TKTL1: variants seen among roughly 807,000 people sequenced by gnomAD.
TKTL1 encodes the protein transketolase like 1.
In TKTL1, 1 loss-of-function variant was observed where a neutral mutation model predicts 39.3. The ratio of observed to expected loss-of-function variants is 0.03; its 90% CI spans 0.01 to 0.12. The LOEUF is 0.12. Ranked by LOEUF, TKTL1 falls within the 10% of genes least tolerant of loss-of-function variation. The pLI is 1.00. For missense variants in TKTL1, 575 were observed against 509.6 expected (o/e 1.13, Z -1.24); for synonymous variants, 262 against 193.8 (o/e 1.35, Z -2.92).
At chrX:154,325,447 T>G (rs782773653) in intron 10 of TKTL1, 25 bp downstream of exon 10, 1 of 1,144,302 alleles carries the variant, frequency 8.7e-7, no homozygotes, top group Non-Finnish European at 1.2e-6. Context: ...GCTCCTGCGT[T>G]ATTCAGTATC....
chrX:154,329,415 T>C, intron 12 of TKTL1, 101 bp from the exon 13 acceptor site: 2 of 880,716 alleles, frequency 2.3e-6, no homozygotes, highest in Non-Finnish European at 3.2e-6. Context: ...ATGAATCAGA[T>C]TTTCCCCTGG....
chrX:154,325,564 C>T (rs782394290), intron 10 of TKTL1, 142 bp downstream of exon 10: 3 of 504,222 alleles, frequency 5.9e-6, no homozygotes, highest in African/African-American at 2.3e-5. Context: ...GTGACCTTTA[C>T]CTGCTTTTCC....
chrX:154,316,589 A>G (rs1257170860), intron 7 of TKTL1, among the ~76,000 whole-genome samples: 2 of 110,358 alleles, frequency 1.8e-5, no homozygotes, highest in African/African-American at 6.6e-5. Flanking sequence ...TATAGAATAC[A>G]TATTTCTGGA....
intron 12 of TKTL1, among the ~76,000 whole-genome samples, chrX:154,328,198 A>G (rs1344202074): frequency 1.8e-5 from 2 of 111,358 alleles, no homozygotes; most frequent in East Asian, 5.6e-4. Context: ...TATTGCAGGC[A>G]AGCGAGGTGT....
At position 154,323,149 on chromosome X, in the gene TKTL1, G is replaced by T. The variant is rs782089960; in HGVS notation, c.1187-58G>T. 67 of 1,181,956 alleles carry T rather than the reference G, an allele frequency of 5.7e-5. No individual in the cohort carries two copies. The African/African-American group carries it at 8.4e-4, about 15-fold the overall frequency. ...GCTTCTTCAGAGCTAGAAGTGGGTG[G>T]AGGGCAGGTTCCTAATGGGGTTATG... On this transcript the variant is annotated intron_variant, in intron 8 of 12. Coordinates refer to ENST00000369915, the MANE Select transcript of TKTL1 (RefSeq NM_012253.4).
intron 1 of TKTL1, among the ~76,000 whole-genome samples, chrX:154,302,827 C>T (rs1480391124): frequency 3.6e-5 from 4 of 111,232 alleles, no homozygotes; most frequent in Non-Finnish European, 5.7e-5. Context: ...ACACAGACAC[C>T]GTGGAGAAAC....
At chrX:154,301,018 C>T (rs1429582253) in intron 1 of TKTL1, among the ~76,000 whole-genome samples, 1 of 110,058 alleles carries the variant, frequency 9.1e-6, no homozygotes, top group Non-Finnish European at 1.9e-5. Context: ...GCTGTATGAT[C>T]GTATCATCAG....
At chrX:154,311,066 T>C in intron 4 of TKTL1, 39 bp downstream of exon 4, 2 of 1,211,097 alleles carry the variant, frequency 1.7e-6, no homozygotes, top group Non-Finnish European at 2.2e-6. Flanking sequence ...CATTCTGTCC[T>C]GCCCCCTTCA....
Position 154,315,155 on chromosome X carries a change from A to G in TKTL1, c.865-18A>G. ...GCATTTGAAGAAACTCTACCACCTG[A>G]TTGTCTCTGTCTTCTAGATAGCTAC... is the stretch of plus-strand genomic sequence containing the variant. On this transcript the variant is annotated intron_variant, in intron 6 of 12. Transcript: ENST00000369915. The G allele has an allele frequency of 8.3e-7, 1 of 1,202,322 alleles. No individual in the cohort carries two copies. The highest frequency in any genetic ancestry group is 1.1e-6 in the Non-Finnish European group (1 of 889,670).
At chrX:154,298,039 A>C (rs1441917938) in intron 1 of TKTL1, among the ~76,000 whole-genome samples, 1 of 111,376 alleles carries the variant, frequency 9.0e-6, no homozygotes, top group African/African-American at 3.3e-5. Context: ...CTTACTAGTT[A>C]GTTGTAGGTC....
intron 8 of TKTL1, among the ~76,000 whole-genome samples, chrX:154,321,496 G>A (rs1557170821): frequency 1.0e-5 from 1 of 95,348 alleles, no homozygotes; most frequent in Non-Finnish European, 2.1e-5. Flanking sequence ...CAAGGTGGTG[G>A]GGGAGAAAAC....
At chrX:154,314,514 G>A (rs1557168966) in intron 6 of TKTL1, among the ~76,000 whole-genome samples, 1 of 111,118 alleles carries the variant, frequency 9.0e-6, no homozygotes, top group African/African-American at 3.3e-5. Flanking sequence ...CTAAACAAAA[G>A]CAATTCATAA....
intron 1 of TKTL1, among the ~76,000 whole-genome samples, chrX:154,299,490 G>A (rs1569550742): frequency 9.1e-6 from 1 of 110,027 alleles, no homozygotes; most frequent in Admixed American, 9.8e-5. Context: ...TAGTGTTAGG[G>A]GTATAAGTTG....
Position 154,307,316 on chromosome X carries a change from G to C in TKTL1, c.252+1895G>C, listed in dbSNP as rs1557167428. ...TTTCTATCGGGCAGCAGCACACCAG[G>C]CCCTGTTCGGCTGCCAGAATTTGTG... On this transcript the variant is annotated intron_variant, in intron 2 of 12. Transcript: ENST00000369915. Among the ~76,000 whole-genome samples, 6 of 111,934 alleles carry C rather than the reference G, an allele frequency of 5.4e-5. No individual in the cohort carries two copies. The South Asian group carries it at 2.2e-3, about 41-fold the overall frequency.
At chrX:154,306,272 G>A (rs2067314258) in intron 2 of TKTL1, among the ~76,000 whole-genome samples, 1 of 112,305 alleles carries the variant, frequency 8.9e-6, no homozygotes, top group African/African-American at 3.2e-5. Context: ...TCGTGCCACT[G>A]CACTCCAGCC....
At chrX:154,302,415 T>C (rs782057711) in intron 1 of TKTL1, among the ~76,000 whole-genome samples, 14 of 111,209 alleles carry the variant, frequency 1.3e-4, no homozygotes, top group Admixed American at 2.9e-4. Context: ...AGGCTACAAA[T>C]CCAAGATCAA....
At position 154,329,502 on chromosome X, in the gene TKTL1, C is replaced by A; in HGVS notation, c.1619-14C>A. 8.3e-7 allele frequency: 1 copy of A among 1,209,080 alleles called. No homozygotes were observed. Among genetic ancestry groups the A allele is most frequent in the East Asian group, 3.0e-5 (1 of 33,799 alleles). ...CTGCTTTCACAAAAGGGCCTAACATCCTTGTTTCCCCAGGTGGCATCGGGG... is the reference window on the plus strand; with the variant it reads ...CTGCTTTCACAAAAGGGCCTAACATACTTGTTTCCCCAGGTGGCATCGGGG... On this transcript the variant is annotated splice_polypyrimidine_tract_variant and intron_variant, in intron 12 of 12. Transcript: ENST00000369915.
Position 154,303,563 on chromosome X carries a change from G to A in TKTL1, c.135-1741G>A, listed in dbSNP as rs190380882. Reference sequence around the variant, plus strand: ...CCTTTTTATCATTCCCTCTTCCCTCGTCTTCCTTGGCTTTCCTCCTCACAC... The same window carrying A: ...CCTTTTTATCATTCCCTCTTCCCTCATCTTCCTTGGCTTTCCTCCTCACAC... On this transcript the variant is annotated intron_variant, in intron 1 of 12. Coordinates refer to ENST00000369915, the MANE Select transcript of TKTL1 (RefSeq NM_012253.4). 8.4e-3 allele frequency among the ~76,000 whole-genome samples: 871 copies of A among 103,566 alleles called. 6 individuals carry two copies. The highest frequency in any genetic ancestry group is 0.011 in the Non-Finnish European group (537 of 50,834). The allele number at this position is 103,566 out of a possible 115,157, so 89.9% of individuals were successfully genotyped here. A position where few individuals can be genotyped will look rare whatever the true frequency, so the allele number is the denominator to read the frequency against.
At chrX:154,326,197 A>G (rs1603355222) in intron 10 of TKTL1, among the ~76,000 whole-genome samples, 1 of 111,679 alleles carries the variant, frequency 9.0e-6, no homozygotes, top group East Asian at 2.8e-4. Context: ...TGTGAGTACC[A>G]AGACCAGAAT....
Sources: allele counts gnomAD v4.1 joint callset (sites outside exome capture counted in the v4.1 genomes callset), GRCh38; gene constraint gnomAD v4.1.1; transcripts MANE v1.5; gene names NCBI Gene and HGNC (gene_info 2026-07-23, HGNC 2026-07-21).